GAS2L3: variants seen among roughly 807,000 people sequenced by gnomAD.
GAS2L3 encodes the protein growth arrest specific 2 like 3.
GAS2L3 carries 28 observed loss-of-function variants against 37.0 expected under a neutral mutation model. That is an observed-to-expected ratio of 0.76 (90% CI 0.56 to 1.04). The LOEUF is 1.04. Among genes scored for constraint, GAS2L3 ranks in the 50% least tolerant of loss-of-function variants. The pLI is 0.00. For synonymous variants in GAS2L3, 290 were observed against 296.6 expected (o/e 0.98, Z 0.23); for missense variants, 793 against 817.6 (o/e 0.97, Z 0.37).
At chr12:100,610,507 C>A in intron 5 of GAS2L3, among the ~76,000 whole-genome samples, 1 of 136,150 alleles carries the variant, frequency 7.3e-6, no homozygotes, top group African/African-American at 2.6e-5. Context: ...TTGTATTTTG[C>A]TATTGGTTTG....
intron 1 of GAS2L3, 52 bp downstream of exon 1, chr12:100,573,837 G>C (rs934298325): frequency 6.6e-6 from 1 of 152,442 alleles, no homozygotes; most frequent in African/African-American, 2.4e-5. Flanking sequence ...TTTACGCGCT[G>C]TCTCGGGGCC....
chr12:100,609,759 G>A (rs1565808664), intron 5 of GAS2L3, among the ~76,000 whole-genome samples: 1 of 152,160 alleles, frequency 6.6e-6, no homozygotes, highest in Non-Finnish European at 1.5e-5. Flanking sequence ...AGCTGGGGTT[G>A]GTCCAAATGC....
chr12:100,578,684 A>T, intron 1 of GAS2L3: 1 of 340,164 alleles, frequency 2.9e-6, no homozygotes, highest in Non-Finnish European at 5.4e-6. Context: ...ACTCGCTGGT[A>T]ATAGAGGACA....
At chr12:100,583,535 T>TC (rs1565797171) in intron 1 of GAS2L3, among the ~76,000 whole-genome samples, 1 of 152,144 alleles carries the variant, frequency 6.6e-6, no homozygotes, top group Non-Finnish European at 1.5e-5. Flanking sequence ...TTCTTTTTTT[T>TC]CTCTCAGCTC....
chr12:100,604,800 C>T (rs1364213737), intron 5 of GAS2L3, among the ~76,000 whole-genome samples: 1 of 151,820 alleles, frequency 6.6e-6, no homozygotes, highest in Non-Finnish European at 1.5e-5. Flanking sequence ...GGGTTTTTAT[C>T]ACAAAGGGAT....
At chr12:100,611,930 A>G in intron 5 of GAS2L3, 70 bp from the exon 6 acceptor site, 1 of 980,488 alleles carries the variant, frequency 1.0e-6, no homozygotes, top group Non-Finnish European at 1.6e-6. Flanking sequence ...TTTATTTAGC[A>G]ATATCAAAAT....
At chr12:100,610,342 A>G (rs34890141) in intron 5 of GAS2L3, among the ~76,000 whole-genome samples, 3,756 of 152,316 alleles carry the variant, frequency 0.025, 59 homozygotes, top group Non-Finnish European at 0.04. Flanking sequence ...ACCCCAGATG[A>G]TGTCTACAAC....
intron 5 of GAS2L3, among the ~76,000 whole-genome samples, chr12:100,606,809 T>TC (rs1956062982): frequency 2.6e-5 from 4 of 152,270 alleles, no homozygotes; most frequent in African/African-American, 9.6e-5. Flanking sequence ...TGGTTGTTTT[T>TC]CTTTATGTCT....
intron 5 of GAS2L3, among the ~76,000 whole-genome samples, chr12:100,609,365 C>T (rs117602147): frequency 4.9e-4 from 75 of 152,262 alleles, no homozygotes; most frequent in Middle Eastern, 6.8e-3. Context: ...GGGTTCTTTA[C>T]GCAGCAGGTG....
chr12:100,618,799 G>A (rs983509483), intron 8 of GAS2L3: 4 of 458,276 alleles, frequency 8.7e-6, no homozygotes, highest in Non-Finnish European at 1.1e-5. Flanking sequence ...GAATAAATGT[G>A]TAGTTGAGGA....
chr12:100,626,011 A>G lies in GAS2L3; in HGVS notation c.*1121A>G, dbSNP rs1956328697. On this transcript the variant is annotated 3_prime_UTR_variant, in exon 10 of 10. Coordinates refer to ENST00000547754, the MANE Select transcript of GAS2L3 (RefSeq NM_174942.3). ...GCACTGTAGGCACAGTCTCTCAAGC[A>G]TATCCTGATCATGTAATGACTGCAT... 2 of 152,214 alleles carry G rather than the reference A, an allele frequency of 1.3e-5. No individual in the cohort carries two copies. The highest frequency in any genetic ancestry group is 4.8e-5 in the African/African-American group (2 of 41,468). The allele number at this position is 152,214 out of a possible 1,614,324, so 9.4% of individuals were successfully genotyped here.
chr12:100,621,882 GGAGAGAGAGAGA>G (rs1205356059), intron 8 of GAS2L3, among the ~76,000 whole-genome samples: 1 of 81,256 alleles, frequency 1.2e-5, no homozygotes, highest in East Asian at 4.4e-4. Context: ...GGTGGGGGGG[GGAGAGAGAGAGA>G]GAGAGAGAGA....
chr12:100,596,710 G>A (rs1423942656), intron 3 of GAS2L3, among the ~76,000 whole-genome samples: 1 of 151,984 alleles, frequency 6.6e-6, no homozygotes, highest in Non-Finnish European at 1.5e-5. Context: ...CCTTCATTCT[G>A]ATTAATAAAT....
In GAS2L3 at chr12:100,624,526, C is replaced by A. The variant is rs144270761; in HGVS notation, c.1721C>A (p.Ala574Asp). ...VSVSSVSPVK[A>D]TQKSKDKNIV... ...GTGTCCTCAGTTTCTCCTGTAAAAG[C>A]CACACAGAAATCAAAAGATAAGAAT... The change falls in exon 10 of 10, where the codon GCC (alanine) becomes GAC (aspartate). Residue 574 changes from alanine (A) to aspartate (D), a missense_variant. Physicochemically the swap from Ala to Asp is moderately radical, Grantham distance 126. Transcript: ENST00000547754. 1.1e-5 allele frequency: 18 copies of A among 1,613,914 alleles called. No homozygotes were observed. In the African/African-American group the frequency reaches 1.5e-4, roughly 13 times the overall value.
intron 1 of GAS2L3, chr12:100,579,868 A>G (rs187574704): frequency 2.7e-6 from 2 of 747,558 alleles, no homozygotes; most frequent in African/African-American, 1.7e-5. Context: ...GCTCCAGAAA[A>G]TATCCGTAAC....
intron 3 of GAS2L3, among the ~76,000 whole-genome samples, chr12:100,599,888 T>C (rs1955963296): frequency 6.6e-6 from 1 of 152,206 alleles, no homozygotes. Flanking sequence ...ATCCATTCAT[T>C]AATTCGGGGT....
chr12:100,613,304 G>A (rs571135982), intron 6 of GAS2L3, among the ~76,000 whole-genome samples: 3 of 152,238 alleles, frequency 2.0e-5, no homozygotes, highest in South Asian at 4.1e-4. Flanking sequence ...TCATTTTGAG[G>A]CATTGAACCG....
intron 4 of GAS2L3, among the ~76,000 whole-genome samples, chr12:100,601,245 A>C (rs190251278): frequency 6.6e-6 from 1 of 152,142 alleles, no homozygotes; most frequent in Non-Finnish European, 1.5e-5. Flanking sequence ...AATGTTTTTA[A>C]AGAAGACATT....
chr12:100,605,844 T>C (rs1230656977), intron 5 of GAS2L3, among the ~76,000 whole-genome samples: 1 of 151,964 alleles, frequency 6.6e-6, no homozygotes, highest in Non-Finnish European at 1.5e-5. Flanking sequence ...TATTCCATTA[T>C]GGTCAGAGGA....
Sources: gnomAD v4.1 joint callset for allele counts (sites outside exome capture counted in the v4.1 genomes callset) on GRCh38, gnomAD v4.1.1 for gene constraint, MANE v1.5 for transcripts, NCBI Gene and HGNC (gene_info 2026-07-23, HGNC 2026-07-21) for gene names.